GRIP1: variants seen among roughly 807,000 people sequenced by gnomAD.
GRIP1 encodes glutamate receptor interacting protein 1.
GRIP1 carries 45 observed loss-of-function variants against 129.9 expected under a neutral mutation model. The ratio of observed to expected loss-of-function variants is 0.35; its 90% CI spans 0.27 to 0.44. GRIP1 has a LOEUF of 0.44. Ranked by LOEUF, GRIP1 falls within the 20% of genes least tolerant of loss-of-function variation. GRIP1 has a pLI of 1.00. For missense variants in GRIP1, 1,196 were observed against 1,396.8 expected (o/e 0.86, Z 2.29); for synonymous variants, 530 against 520.8 (o/e 1.02, Z -0.24).
intron 2 of GRIP1, among the ~76,000 whole-genome samples, chr12:66,584,805 G>A (rs2063551022): frequency 6.6e-6 from 1 of 151,984 alleles, no homozygotes; most frequent in South Asian, 2.1e-4. Flanking sequence ...CACTCTCCCA[G>A]TCTTTGAAAT....
rs187952552 is a variant in GRIP1 at position 66,672,912 on chromosome 12, T to C, written c.55+5938A>G. 1.7e-3 allele frequency among the ~76,000 whole-genome samples: 258 copies of C among 152,232 alleles called. 1 individual carries two copies. Among genetic ancestry groups the C allele is most frequent in the African/African-American group, 5.9e-3 (243 of 41,528 alleles). On this transcript the variant is annotated intron_variant, in intron 1 of 24. Transcript: ENST00000359742. ...CTGAAATTTAGTGGGGGAAATTCAGTTTTTTTGTTTGTTTGTTTTTGCCAC... is the reference window on the plus strand; with the variant it reads ...CTGAAATTTAGTGGGGGAAATTCAGCTTTTTTGTTTGTTTGTTTTTGCCAC...
chr12:66,430,124 A>G (rs1382058964), intron 14 of GRIP1, among the ~76,000 whole-genome samples: 1 of 152,256 alleles, frequency 6.6e-6, no homozygotes, highest in Non-Finnish European at 1.5e-5. Flanking sequence ...GAGGCATTAT[A>G]TAAGCACATT....
At chr12:66,865,256 G>C (rs774245456) in intron 1 of GRIP1, among the ~76,000 whole-genome samples, 5 of 152,046 alleles carry the variant, frequency 3.3e-5, no homozygotes, top group Non-Finnish European at 7.4e-5. Flanking sequence ...AAACAGAGTT[G>C]GCTGTATATT....
At chr12:66,378,652 C>T (rs188721288) in intron 20 of GRIP1, among the ~76,000 whole-genome samples, 34 of 149,072 alleles carry the variant, frequency 2.3e-4, no homozygotes, top group Middle Eastern at 3.6e-3. Flanking sequence ...GAGGCTGAGA[C>T]GAGAATCACT....
At position 66,925,639 on chromosome 12, in the gene GRIP1, GT is replaced by G. The variant is rs945231735; in HGVS notation, c.58+143410del. Among the ~76,000 whole-genome samples the G allele has an allele frequency of 9.2e-5, 14 of 151,928 alleles. 1 individual carries two copies. Among genetic ancestry groups the G allele is most frequent in the Non-Finnish European group, 1.5e-5 (1 of 67,972 alleles). The stretch of plus-strand genomic sequence containing the variant: ...AATATACTAGATTATAGTAATACCT[GT>G]TTTTTTGTTTGTTTGTTTTTTCAGA... On this transcript the variant is annotated intron_variant, in intron 1 of 1. Coordinates refer to the GRIP1 transcript ENST00000643019.
intron 11 of GRIP1, among the ~76,000 whole-genome samples, chr12:66,448,067 C>G (rs1383129456): frequency 1.3e-5 from 2 of 152,164 alleles, no homozygotes; most frequent in African/African-American, 4.8e-5. Context: ...TTCATGCCTA[C>G]ATGTCTTCTG....
At chr12:67,016,505 C>T (rs888722613) in intron 1 of GRIP1, among the ~76,000 whole-genome samples, 26 of 152,210 alleles carry the variant, frequency 1.7e-4, no homozygotes, top group African/African-American at 6.0e-4. Context: ...GATATGAAAA[C>T]AGACTCAAAG....
intron 1 of GRIP1, among the ~76,000 whole-genome samples, chr12:66,852,471 G>T (rs991889164): frequency 2.0e-5 from 3 of 151,182 alleles, no homozygotes; most frequent in African/African-American, 7.3e-5. Flanking sequence ...ATAAAAAAAT[G>T]ATTAGACACA....
chr12:66,573,911 G>A (rs901261061), intron 2 of GRIP1, among the ~76,000 whole-genome samples: 1 of 152,148 alleles, frequency 6.6e-6, no homozygotes, highest in African/African-American at 2.4e-5. Flanking sequence ...ATGCTGGTTG[G>A]TGCCCTCTGG....
At chr12:66,494,239 C>T (rs924071983) in intron 7 of GRIP1, among the ~76,000 whole-genome samples, 9 of 152,142 alleles carry the variant, frequency 5.9e-5, no homozygotes, top group African/African-American at 2.2e-4. Context: ...AAACCTAAAA[C>T]TATTATATTT....
At chr12:66,924,888 T>C (rs1223688633) in intron 1 of GRIP1, among the ~76,000 whole-genome samples, 1 of 152,120 alleles carries the variant, frequency 6.6e-6, no homozygotes, top group Non-Finnish European at 1.5e-5. Flanking sequence ...GAGAATGGTG[T>C]GAACCCGGGA....
intron 1 of GRIP1, among the ~76,000 whole-genome samples, chr12:67,026,392 T>C (rs2042942383): frequency 6.6e-6 from 1 of 152,218 alleles, no homozygotes; most frequent in African/African-American, 2.4e-5. Context: ...TACTTTTGAC[T>C]TCCATAGTGT....
At chr12:67,038,477 C>T (rs1823545786) in intron 1 of GRIP1, among the ~76,000 whole-genome samples, 2 of 152,204 alleles carry the variant, frequency 1.3e-5, no homozygotes, top group Admixed American at 6.5e-5. Context: ...CATCTGAGAA[C>T]TTCCACAGGA....
chr12:66,531,251 A>AT (rs2061444276), intron 4 of GRIP1, among the ~76,000 whole-genome samples: 4 of 39,762 alleles, frequency 1.0e-4, no homozygotes, highest in South Asian at 1.1e-3. Flanking sequence ...AAAAAAAAAA[A>AT]AATATATATA....
intron 1 of GRIP1, among the ~76,000 whole-genome samples, chr12:66,910,623 C>A (rs751436766): frequency 6.6e-5 from 10 of 151,776 alleles, no homozygotes; most frequent in Non-Finnish European, 1.2e-4. Flanking sequence ...CTCTTAACCT[C>A]AAAAACATTT....
chr12:66,981,652 G>T (rs533139513), intron 1 of GRIP1, among the ~76,000 whole-genome samples: 1 of 152,140 alleles, frequency 6.6e-6, no homozygotes, highest in Non-Finnish European at 1.5e-5. Context: ...TCTGATATAC[G>T]TTTATCTAAC....
At chr12:66,708,902 T>G (rs771637147) in intron 1 of GRIP1, among the ~76,000 whole-genome samples, 18 of 151,564 alleles carry the variant, frequency 1.2e-4, no homozygotes, top group Non-Finnish European at 2.5e-4. Context: ...GAAAAAAAAA[T>G]TTTTGTCAAG....
At chr12:66,660,583 A>G (rs1325354254) in intron 1 of GRIP1, among the ~76,000 whole-genome samples, 4 of 152,166 alleles carry the variant, frequency 2.6e-5, no homozygotes, top group Non-Finnish European at 4.4e-5. Context: ...ATAAGACTAC[A>G]TAATAATTGT....
intron 1 of GRIP1, among the ~76,000 whole-genome samples, chr12:66,874,783 C>T (rs2040355445): frequency 6.6e-6 from 1 of 151,990 alleles, no homozygotes; most frequent in Non-Finnish European, 1.5e-5. Context: ...CCAATCACCT[C>T]CCACCAGGAC....
Sources: allele counts gnomAD v4.1 joint callset (sites outside exome capture counted in the v4.1 genomes callset), GRCh38; gene constraint gnomAD v4.1.1; transcripts MANE v1.5; gene names NCBI Gene and HGNC (gene_info 2026-07-23, HGNC 2026-07-21).